CSMD1: variants seen among roughly 807,000 people sequenced by gnomAD.
CSMD1 encodes CUB and sushi domain-containing protein 1.
Under a neutral mutation model 417.5 loss-of-function variants are expected in CSMD1, and 213 were observed. That is an observed-to-expected ratio of 0.51 (90% CI 0.46 to 0.57). CSMD1 has a LOEUF of 0.57. CSMD1 is among the 20% of genes least tolerant of loss of function. The pLI is 0.00. For missense variants in CSMD1, 6,923 were observed against 4,529.7 expected (o/e 1.53, Z -15.17); for synonymous variants, 2,862 against 1,736.8 (o/e 1.65, Z -16.11).
intron 1 of CSMD1, among the ~76,000 whole-genome samples, chr8:4,650,107 A>G (rs1398119031): frequency 6.6e-6 from 1 of 152,200 alleles, no homozygotes; most frequent in Non-Finnish European, 1.5e-5. Flanking sequence ...GCACTTTGGG[A>G]GGCCGAGGCG....
intron 7 of CSMD1, among the ~76,000 whole-genome samples, chr8:3,656,093 A>C (rs73181171): frequency 0.074 from 11,251 of 152,250 alleles, 447 homozygotes; most frequent in Non-Finnish European, 0.093. Context: ...CTACACACAG[A>C]TGCTACCAGA....
At chr8:3,490,213 T>A (rs1818290206) in intron 11 of CSMD1, among the ~76,000 whole-genome samples, 1 of 152,220 alleles carries the variant, frequency 6.6e-6, no homozygotes, top group South Asian at 2.1e-4. Context: ...TGATCCCGGC[T>A]GCATTATGTT....
At chr8:3,998,180 A>T (rs1034525897) in intron 4 of CSMD1, 70 bp from the exon 5 acceptor site, 68 of 1,345,308 alleles carry the variant, frequency 5.1e-5, no homozygotes, top group Non-Finnish European at 6.6e-5. Flanking sequence ...GTGTCCACCA[A>T]GTGTCACTCT....
At chr8:4,560,541 C>T (rs73184907) in intron 2 of CSMD1, among the ~76,000 whole-genome samples, 18,380 of 152,174 alleles carry the variant, frequency 0.12, 1,207 homozygotes, top group Non-Finnish European at 0.14. Flanking sequence ...GAAACCTCTG[C>T]TACCTGTAGA....
chr8:3,999,932 A>G (rs1815532944), intron 4 of CSMD1, among the ~76,000 whole-genome samples: 1 of 152,178 alleles, frequency 6.6e-6, no homozygotes, highest in African/African-American at 2.4e-5. Flanking sequence ...TCCCAAATTT[A>G]TTTTAAGATT....
At chr8:3,480,716 T>C (rs1817692554) in intron 11 of CSMD1, among the ~76,000 whole-genome samples, 1 of 152,088 alleles carries the variant, frequency 6.6e-6, no homozygotes, top group South Asian at 2.1e-4. Flanking sequence ...TAAAACTACT[T>C]CAATGACAAT....
intron 4 of CSMD1, among the ~76,000 whole-genome samples, chr8:4,015,179 G>C (rs1347463483): frequency 2.0e-5 from 3 of 152,154 alleles, no homozygotes; most frequent in Non-Finnish European, 4.4e-5. Context: ...GTCCCATTCA[G>C]TCTTACTTTG....
intron 10 of CSMD1, among the ~76,000 whole-genome samples, chr8:3,494,626 A>G (rs751798994): frequency 6.6e-6 from 1 of 152,084 alleles, no homozygotes; most frequent in African/African-American, 2.4e-5. Flanking sequence ...TAGTAGATAG[A>G]TGACAGACTG....
chr8:3,807,097 G>A (rs918297718), intron 5 of CSMD1, among the ~76,000 whole-genome samples: 7 of 152,106 alleles, frequency 4.6e-5, no homozygotes, highest in African/African-American at 1.7e-4. Flanking sequence ...CGCACTGGGG[G>A]AAGGTTAAAT....
chr8:3,669,062 G>C (rs1283248695), intron 7 of CSMD1, among the ~76,000 whole-genome samples: 2 of 152,082 alleles, frequency 1.3e-5, no homozygotes, highest in African/African-American at 4.8e-5. Flanking sequence ...TCAAAACTAA[G>C]GAACGACCCC....
intron 1 of CSMD1, among the ~76,000 whole-genome samples, chr8:4,952,148 T>C (rs112451571): frequency 0.011 from 1,684 of 152,044 alleles, 35 homozygotes; most frequent in African/African-American, 0.038. Flanking sequence ...CAAAATAATG[T>C]CTTAAAATTA....
chr8:3,283,502 C>A (rs1802897098), intron 26 of CSMD1, among the ~76,000 whole-genome samples: 1 of 151,324 alleles, frequency 6.6e-6, no homozygotes, highest in African/African-American at 2.4e-5. Flanking sequence ...GAAAAGAATT[C>A]CCTAAAACAA....
At chr8:4,815,694 C>CAAAAAAAAAAAAAAAAA (rs1218931391) in intron 1 of CSMD1, among the ~76,000 whole-genome samples, 1 of 67,626 alleles carries the variant, frequency 1.5e-5, no homozygotes, top group Non-Finnish European at 2.9e-5. Flanking sequence ...AAAGCTGTCT[C>CAAAAAAAAAAAAAAAAA]AAAAAAAAAA....
chr8:3,074,430 T>G (rs1035246168), intron 49 of CSMD1, among the ~76,000 whole-genome samples: 1 of 152,182 alleles, frequency 6.6e-6, no homozygotes, highest in Non-Finnish European at 1.5e-5. Flanking sequence ...AGGGCGTCGG[T>G]CACCCCACCT....
intron 10 of CSMD1, among the ~76,000 whole-genome samples, chr8:3,546,468 G>A (rs529358499): frequency 3.3e-5 from 5 of 151,836 alleles, no homozygotes; most frequent in East Asian, 1.9e-4. Context: ...CCAGGGAGTC[G>A]GAGCTTGTGG....
chr8:4,549,913 A>AG (rs1344868111), intron 2 of CSMD1, among the ~76,000 whole-genome samples: 194 of 150,940 alleles, frequency 1.3e-3, no homozygotes, highest in Middle Eastern at 3.5e-3. Flanking sequence ...AAAAAAAAAA[A>AG]AAAAAAAGAA....
intron 2 of CSMD1, among the ~76,000 whole-genome samples, chr8:4,474,314 A>G (rs1420288868): frequency 1.3e-5 from 2 of 152,238 alleles, no homozygotes; most frequent in African/African-American, 4.8e-5. Context: ...AAATAGAAAA[A>G]AAACATACCA....
At chr8:3,990,517 G>A (rs1282285760) in intron 5 of CSMD1, among the ~76,000 whole-genome samples, 1 of 152,038 alleles carries the variant, frequency 6.6e-6, no homozygotes, top group Non-Finnish European at 1.5e-5. Context: ...GAATCTTAGG[G>A]TAAAATACTA....
At chr8:3,915,203 C>G (rs535551367) in intron 5 of CSMD1, among the ~76,000 whole-genome samples, 1 of 151,898 alleles carries the variant, frequency 6.6e-6, no homozygotes, top group Non-Finnish European at 1.5e-5. Flanking sequence ...GTCAGGATTT[C>G]GAGACCAGCC....
Sources: gnomAD v4.1 joint callset for allele counts (sites outside exome capture counted in the v4.1 genomes callset) on GRCh38, gnomAD v4.1.1 for gene constraint, MANE v1.5 for transcripts, NCBI Gene and HGNC (gene_info 2026-07-23, HGNC 2026-07-21) for gene names.